Variants in KLF12 observed in about 807,000 individuals in gnomAD.
KLF12 encodes the protein KLF transcription factor 12.
In KLF12, 9 loss-of-function variants were observed where a neutral mutation model predicts 37.8. The observed-to-expected ratio is 0.24, with a 90% confidence interval of 0.14 to 0.42. KLF12 has a LOEUF of 0.42. KLF12 is among the 10% of genes least tolerant of loss of function. The pLI, the probability that KLF12 is intolerant of heterozygous loss-of-function variation, is 1.00. For synonymous variants in KLF12, 208 were observed against 202.1 expected, an observed-to-expected ratio of 1.03 and a Z score of -0.25; for missense variants, 411 against 516.0, an observed-to-expected ratio of 0.80 and a Z score of 1.97.
At chr13:74,088,665 G>A (rs1043517819) in intron 1 of KLF12, among the ~76,000 whole-genome samples, 2 of 152,192 alleles carry the variant, frequency 1.3e-5, no homozygotes, top group Admixed American at 1.3e-4. Flanking sequence ...CTGGGGTTCT[G>A]AACATTTGGG....
At chr13:73,927,481 T>G (rs866197541) in intron 3 of KLF12, among the ~76,000 whole-genome samples, 20 of 152,296 alleles carry the variant, frequency 1.3e-4, no homozygotes, top group Middle Eastern at 6.8e-3. Context: ...ATCTTTTACC[T>G]CTTCTCCAAA....
intron 2 of KLF12, among the ~76,000 whole-genome samples, chr13:73,974,781 T>C (rs369585045): frequency 6.9e-4 from 105 of 152,276 alleles, no homozygotes; most frequent in African/African-American, 2.4e-3. Flanking sequence ...TATTTGACAA[T>C]GAAACCTAGT....
chr13:74,127,021 T>C (rs772504433), intron 1 of KLF12, among the ~76,000 whole-genome samples: 4 of 152,214 alleles, frequency 2.6e-5, no homozygotes, highest in Non-Finnish European at 5.9e-5. Flanking sequence ...GTTGTTACTG[T>C]TGTTTTAGAG....
At chr13:73,959,134 C>G (rs115690435) in intron 2 of KLF12, among the ~76,000 whole-genome samples, 1 of 26,640 alleles carries the variant, frequency 3.8e-5, no homozygotes, top group Non-Finnish European at 1.3e-4. Context: ...CAAAAAAAAA[C>G]GCAGGCAAGA....
intron 5 of KLF12, among the ~76,000 whole-genome samples, chr13:73,784,395 A>T (rs1360458837): frequency 6.6e-6 from 1 of 151,894 alleles, no homozygotes; most frequent in East Asian, 1.9e-4. Context: ...CTTCTCTATA[A>T]ACCTTTCTCT....
At chr13:73,707,037 G>A (rs1875004262) in intron 7 of KLF12, among the ~76,000 whole-genome samples, 1 of 152,166 alleles carries the variant, frequency 6.6e-6, no homozygotes, top group Non-Finnish European at 1.5e-5. Context: ...CGTCCCTGAA[G>A]GGCTGATGCT....
chr13:73,941,940 T>C (rs117919659), intron 3 of KLF12, among the ~76,000 whole-genome samples: 2,575 of 152,258 alleles, frequency 0.017, 35 homozygotes, highest in Non-Finnish European at 0.029. Context: ...GAAAATCGAT[T>C]TTCATGAACA....
intron 2 of KLF12, among the ~76,000 whole-genome samples, chr13:73,983,452 C>T (rs1277951283): frequency 1.3e-5 from 2 of 152,158 alleles, no homozygotes; most frequent in East Asian, 3.9e-4. Context: ...TCCTGCTTAT[C>T]GGGTGTTCTC....
intron 2 of KLF12, among the ~76,000 whole-genome samples, chr13:73,978,753 A>G (rs1891611524): frequency 6.6e-6 from 1 of 152,204 alleles, no homozygotes; most frequent in Non-Finnish European, 1.5e-5. Context: ...TACAGTTGCC[A>G]AAAGTAGGGA....
chr13:73,736,826 C>T (rs1877498458), intron 6 of KLF12, among the ~76,000 whole-genome samples: 1 of 152,072 alleles, frequency 6.6e-6, no homozygotes, highest in African/African-American at 2.4e-5. Context: ...AGTATTGATG[C>T]TCACTCTGAA....
At chr13:74,082,785 G>T (rs545133891) in intron 1 of KLF12, among the ~76,000 whole-genome samples, 1 of 152,088 alleles carries the variant, frequency 6.6e-6, no homozygotes, top group African/African-American at 2.4e-5. Context: ...TCAAAAGAAA[G>T]AAAGGATTTT....
At chr13:73,857,568 T>C (rs2138773177) in intron 3 of KLF12, among the ~76,000 whole-genome samples, 2 of 152,328 alleles carry the variant, frequency 1.3e-5, no homozygotes, top group African/African-American at 4.8e-5. Flanking sequence ...CAAAATTTCC[T>C]TCCTGGGGAA....
intron 5 of KLF12, among the ~76,000 whole-genome samples, chr13:73,811,264 G>A (rs372802764): frequency 6.6e-5 from 10 of 151,976 alleles, no homozygotes; most frequent in Admixed American, 2.0e-4. Flanking sequence ...GATTACAGGC[G>A]TGCAAACAAT....
At chr13:74,244,657 T>TTTG in the KLF12 span, among the ~76,000 whole-genome samples, 3 of 152,198 alleles carry the variant, frequency 2.0e-5, no homozygotes, top group African/African-American at 7.2e-5. Flanking sequence ...TTTGGGGGCA[T>TTTG]AGCCTGAAGT....
chr13:74,304,207 T>A, the KLF12 span, among the ~76,000 whole-genome samples: 1 of 152,198 alleles, frequency 6.6e-6, no homozygotes, highest in African/African-American at 2.4e-5. Context: ...AAATTCTGTA[T>A]CAGAAACCAG....
At chr13:73,800,200 A>T (rs1311821049) in intron 5 of KLF12, 2 of 152,126 alleles carry the variant, frequency 1.3e-5, no homozygotes, top group African/African-American at 4.8e-5. Flanking sequence ...TTTCAGAAAC[A>T]CTACTCTATT....
intron 2 of KLF12, among the ~76,000 whole-genome samples, chr13:73,953,660 T>A (rs1229025653): frequency 6.6e-6 from 1 of 152,204 alleles, no homozygotes; most frequent in African/African-American, 2.4e-5. Flanking sequence ...ATTATTGACC[T>A]AAATTTCCAC....
chr13:73,766,025 T>G (rs1465222621), intron 5 of KLF12, among the ~76,000 whole-genome samples: 1 of 152,232 alleles, frequency 6.6e-6, no homozygotes, highest in African/African-American at 2.4e-5. Flanking sequence ...AAGGGCCAAC[T>G]GCAGTCTTTC....
intron 1 of KLF12, among the ~76,000 whole-genome samples, chr13:74,047,574 G>A (rs1227702757): frequency 3.4e-5 from 5 of 147,384 alleles, no homozygotes; most frequent in African/African-American, 5.1e-5. Flanking sequence ...TCCAGCCTGG[G>A]CGACATAATG....
Sources: gnomAD v4.1 joint callset for allele counts (sites outside exome capture counted in the v4.1 genomes callset) on GRCh38, gnomAD v4.1.1 for gene constraint, MANE v1.5 for transcripts, NCBI Gene and HGNC (gene_info 2026-07-23, HGNC 2026-07-21) for gene names.